LIN28B: variants seen among roughly 807,000 people sequenced by gnomAD.
The protein encoded by LIN28B is protein lin-28 homolog B.
In LIN28B, 5 loss-of-function variants were observed where a neutral mutation model predicts 21.9. The observed-to-expected ratio is 0.23, with a 90% confidence interval of 0.12 to 0.48. LIN28B has a LOEUF of 0.48. Among genes scored for constraint, LIN28B ranks in the 20% least tolerant of loss-of-function variants. LIN28B has a pLI of 0.98. For missense variants in LIN28B, 245 were observed against 310.5 expected, an observed-to-expected ratio of 0.79 and a Z score of 1.58; for synonymous variants, 109 against 111.3, an observed-to-expected ratio of 0.98 and a Z score of 0.13.
rs532103948 is a variant in LIN28B, at chr6:105,052,321, C to T, written c.383+25839C>T. ...TTGTGCTACTATGAAAGAATACCAC[C>T]GATTAGGTAATTTATGATGAAAAAA... On this transcript the variant is annotated intron_variant, in intron 3 of 3. Transcript: ENST00000345080. Among the ~76,000 whole-genome samples, 9 of 152,044 alleles carry T rather than the reference C, an allele frequency of 5.9e-5. No individual in the cohort carries two copies. In the East Asian group the frequency reaches 1.4e-3, roughly 23 times the overall value.
chr6:104,970,826 T>C (rs1769962437), intron 2 of LIN28B, among the ~76,000 whole-genome samples: 1 of 152,172 alleles, frequency 6.6e-6, no homozygotes, highest in African/African-American at 2.4e-5. Context: ...TTCTTCTTGC[T>C]CTTCTGACCC....
chr6:104,945,357 A>G (rs1190517488), intron 2 of LIN28B, among the ~76,000 whole-genome samples: 2 of 152,072 alleles, frequency 1.3e-5, no homozygotes, highest in Non-Finnish European at 2.9e-5. Context: ...TAGAATACAC[A>G]AAGTTCTCAT....
intron 3 of LIN28B, among the ~76,000 whole-genome samples, chr6:105,065,518 T>G (rs942672132): frequency 2.0e-5 from 3 of 152,242 alleles, no homozygotes; most frequent in Non-Finnish European, 4.4e-5. Context: ...GAGGGAGAAA[T>G]GGACAGAGGT....
rs190888632 is a variant in LIN28B, at chr6:104,982,097, C to T, written c.198+23811C>T. 2.8e-3 allele frequency among the ~76,000 whole-genome samples: 427 copies of T among 152,038 alleles called. 5 individuals are homozygous for T. The highest frequency in any genetic ancestry group is 9.9e-3 in the African/African-American group (409 of 41,488). The stretch of plus-strand genomic sequence containing the variant: ...TGGGAGGCTGAGGTGGGCGGATCAT[C>T]AGGTCAGGAGATTGAGACCATCCTG... On this transcript the variant is annotated intron_variant, in intron 2 of 3. Coordinates refer to ENST00000345080, the MANE Select transcript of LIN28B (RefSeq NM_001004317.4).
rs769556219 is a variant in LIN28B at position 104,950,188 on chromosome 6, C to T, written c.19-273C>T. On this transcript the variant is annotated intron_variant, in intron 2 of 5. Coordinates refer to the LIN28B transcript ENST00000635857. ...ATATTAAAATTTAAACTGCATTGTTCGTGATATTGGGATCTTTTGACTGCA... is the reference window on the plus strand; with the variant it reads ...ATATTAAAATTTAAACTGCATTGTTTGTGATATTGGGATCTTTTGACTGCA... Among the ~76,000 whole-genome samples, 37 of 151,986 alleles carry T rather than the reference C, an allele frequency of 2.4e-4. 1 individual carries two copies. The highest frequency in any genetic ancestry group is 3.9e-4 in the Admixed American group (6 of 15,254).
intron 2 of LIN28B, among the ~76,000 whole-genome samples, chr6:105,015,001 T>C (rs314270): frequency 0.47 from 72,118 of 151,840 alleles, 19,271 homozygotes; most frequent in East Asian, 0.69. Context: ...TTTACTTCTC[T>C]TTTGATCAGA....
At chr6:105,005,696 C>CA (rs1770803729) in intron 2 of LIN28B, among the ~76,000 whole-genome samples, 1 of 152,168 alleles carries the variant, frequency 6.6e-6, no homozygotes, top group African/African-American at 2.4e-5. Context: ...TAAGGCCTCC[C>CA]ACTCATGCTT....
chr6:105,061,325 T>G (rs1423382811), intron 3 of LIN28B, among the ~76,000 whole-genome samples: 1 of 151,970 alleles, frequency 6.6e-6, no homozygotes, highest in Non-Finnish European at 1.5e-5. Context: ...CTAATCAAAA[T>G]GGAACAGTAG....
chr6:104,973,312 G>C (rs1306618773), intron 2 of LIN28B, among the ~76,000 whole-genome samples: 2 of 152,016 alleles, frequency 1.3e-5, no homozygotes, highest in African/African-American at 2.4e-5. Flanking sequence ...ATGGGATAAT[G>C]TTTTCAGAGT....
chr6:105,040,352 A>C (rs1269010144), intron 3 of LIN28B, among the ~76,000 whole-genome samples: 1 of 152,086 alleles, frequency 6.6e-6, no homozygotes, highest in Non-Finnish European at 1.5e-5. Flanking sequence ...AGTCTCATGA[A>C]TTAGTGAGTT....
At chr6:105,069,301 T>A (rs532276255) in intron 3 of LIN28B, among the ~76,000 whole-genome samples, 1 of 152,178 alleles carries the variant, frequency 6.6e-6, no homozygotes, top group African/African-American at 2.4e-5. Flanking sequence ...CTAAACAAAT[T>A]TATATGCTGT....
intron 2 of LIN28B, among the ~76,000 whole-genome samples, chr6:104,944,109 T>C (rs1209131034): frequency 1.4e-5 from 2 of 145,620 alleles, no homozygotes; most frequent in African/African-American, 2.4e-5. Context: ...ATAGGAAATA[T>C]ATGCATATAT....
intron 2 of LIN28B, among the ~76,000 whole-genome samples, chr6:105,001,211 A>G (rs1770712851): frequency 6.6e-6 from 1 of 152,192 alleles, no homozygotes; most frequent in African/African-American, 2.4e-5. Context: ...TACTATGTAT[A>G]TTTTTAAGCA....
intron 2 of LIN28B, among the ~76,000 whole-genome samples, chr6:105,025,130 A>G (rs1201631385): frequency 2.0e-5 from 3 of 152,198 alleles, no homozygotes; most frequent in Non-Finnish European, 4.4e-5. Context: ...AACAGAAACG[A>G]CAGCAAATGG....
At chr6:105,021,051 G>A (rs1441968695) in intron 2 of LIN28B, among the ~76,000 whole-genome samples, 1 of 152,042 alleles carries the variant, frequency 6.6e-6, no homozygotes, top group Non-Finnish European at 1.5e-5. Context: ...CACCGCGCCT[G>A]GCCTATCATT....
chr6:104,966,132 CAATG>C (rs1046641329), intron 2 of LIN28B, among the ~76,000 whole-genome samples: 17 of 152,116 alleles, frequency 1.1e-4, no homozygotes, highest in Admixed American at 6.5e-5. Context: ...AGTAGGGACT[CAATG>C]TGTGTTGTAC....
chr6:104,989,136 T>G (rs2114263803), intron 2 of LIN28B, among the ~76,000 whole-genome samples: 1 of 152,322 alleles, frequency 6.6e-6, no homozygotes, highest in Middle Eastern at 3.4e-3. Context: ...TGATTCTTTT[T>G]TTCTGTATTT....
chr6:105,000,364 G>T (rs1173918161), intron 2 of LIN28B, among the ~76,000 whole-genome samples: 1 of 152,040 alleles, frequency 6.6e-6, no homozygotes, highest in Non-Finnish European at 1.5e-5. Context: ...GTAGTGTGGT[G>T]GGATTTCAAG....
chr6:104,974,959 A>G (rs951773276), intron 2 of LIN28B, among the ~76,000 whole-genome samples: 7 of 152,050 alleles, frequency 4.6e-5, no homozygotes, highest in Non-Finnish European at 5.9e-5. Context: ...AGCTGGGATT[A>G]CAGGCACCTG....
Sources: allele counts gnomAD v4.1 joint callset (sites outside exome capture counted in the v4.1 genomes callset), GRCh38; gene constraint gnomAD v4.1.1; transcripts MANE v1.5; gene names NCBI Gene and HGNC (gene_info 2026-07-23, HGNC 2026-07-21).